IGFBP7: variants seen among roughly 807,000 people sequenced by gnomAD.
IGFBP7 encodes insulin like growth factor binding protein 7, also known as insulin-like growth factor-binding protein 7.
IGFBP7 carries 31 observed loss-of-function variants against 29.4 expected under a neutral mutation model. That is an observed-to-expected ratio of 1.05 (90% CI 0.79 to 1.42). The LOEUF (loss-of-function observed/expected upper bound fraction) is 1.42, where lower values mean the gene tolerates loss of function less well. Among genes scored for constraint, IGFBP7 ranks in the 40% most tolerant of loss-of-function variants. The probability of loss-of-function intolerance (pLI) is 0.00; values close to 1 mark genes in which losing one functional copy is unlikely to be tolerated. For missense variants in IGFBP7, 393 were observed against 395.5 expected (o/e 0.99, Z 0.05); for synonymous variants, 172 against 174.9 (o/e 0.98, Z 0.13).
intron 1 of IGFBP7, among the ~76,000 whole-genome samples, chr4:57,094,080 C>G (rs1019962671): frequency 3.9e-5 from 6 of 152,108 alleles, no homozygotes; most frequent in Non-Finnish European, 8.8e-5. Context: ...TTGAGTCTAA[C>G]TCCCTCTTCT....
chr4:57,102,025 A>T (rs1725910090), intron 1 of IGFBP7, among the ~76,000 whole-genome samples: 1 of 152,208 alleles, frequency 6.6e-6, no homozygotes, highest in South Asian at 2.1e-4. Flanking sequence ...ACGATAATTC[A>T]GGGTTCCCCA....
intron 1 of IGFBP7, among the ~76,000 whole-genome samples, chr4:57,093,575 A>G (rs2109797474): frequency 6.6e-6 from 1 of 152,232 alleles, no homozygotes; most frequent in Admixed American, 6.5e-5. Context: ...GTTAGAGACT[A>G]ACTGCCAAAC....
chr4:57,061,550 G>A (rs1030633908), intron 1 of IGFBP7, among the ~76,000 whole-genome samples: 2 of 152,198 alleles, frequency 1.3e-5, no homozygotes, highest in Admixed American at 1.3e-4. Context: ...TGACTAATGA[G>A]TGGGTGGTGT....
chr4:57,100,293 T>C (rs1269984098), intron 1 of IGFBP7, among the ~76,000 whole-genome samples: 29 of 152,040 alleles, frequency 1.9e-4, no homozygotes, highest in Non-Finnish European at 1.5e-5. Flanking sequence ...TTGCCCAGGC[T>C]GGTCCTGAAC....
intron 1 of IGFBP7, among the ~76,000 whole-genome samples, chr4:57,097,853 G>C (rs530263091): frequency 4.6e-5 from 7 of 152,078 alleles, no homozygotes; most frequent in South Asian, 2.1e-4. Flanking sequence ...GCCAATCTTG[G>C]CTTCTGGGTG....
At chr4:57,059,555 T>C (rs1276627649) in intron 1 of IGFBP7, among the ~76,000 whole-genome samples, 1 of 151,950 alleles carries the variant, frequency 6.6e-6, no homozygotes, top group Non-Finnish European at 1.5e-5. Context: ...TGAGAACTCA[T>C]GAACGCAAAG....
chr4:57,040,976 C>G, intron 1 of IGFBP7, 43 bp from the exon 2 acceptor site: 8 of 1,232,352 alleles, frequency 6.5e-6, no homozygotes, highest in Non-Finnish European at 9.6e-6. Context: ...TTTAAACAGT[C>G]CTTCACATGA....
intron 1 of IGFBP7, among the ~76,000 whole-genome samples, chr4:57,047,503 G>A (rs1266831555): frequency 2.0e-5 from 3 of 152,064 alleles, no homozygotes; most frequent in African/African-American, 7.2e-5. Flanking sequence ...AGATCCTGAA[G>A]GAAGTTATAG....
rs987919612 is a variant in IGFBP7 at position 57,110,269 on chromosome 4, G to A, written c.83C>T (p.Ser28Phe). ...LLLLPLSSSS[S>F]SDTCGPCEPA... ...CTCGCAGGGGCCGCAGGTGTCCGAA[G>A]AGGAGGAAGAGGAGAGGGGCAGGAG... Residue 28 changes from serine (S) to phenylalanine (F), a missense_variant, in exon 1 of 5, where the codon TCT becomes TTT. Transcript: ENST00000295666. 22 of 1,424,754 alleles carry A rather than the reference G, an allele frequency of 1.5e-5. No individual in the cohort carries two copies. In the African/African-American group the frequency reaches 2.7e-4, roughly 17 times the overall value. 88.3% of individuals were successfully genotyped at this position (1,424,754 alleles called of 1,614,324 possible).
chr4:57,033,125 C>A, intron 3 of IGFBP7, 70 bp downstream of exon 3: 1 of 1,084,248 alleles, frequency 9.2e-7, no homozygotes, highest in Admixed American at 1.7e-5. Flanking sequence ...ACATCAGGCA[C>A]CTTTGCCAGG....
In IGFBP7 at chr4:57,039,934, T is replaced by TC. The variant is rs571539757; in HGVS notation, c.585+889_585+890insG. On this transcript the variant is annotated intron_variant, in intron 2 of 4. Transcript: ENST00000295666. The stretch of plus-strand genomic sequence containing the variant: ...TGCTACTGCACCCAGCCTCACACTT[T>TC]TTTTTTTCTTTTTTTCCATTTGGGA... 1.8e-3 allele frequency among the ~76,000 whole-genome samples: 268 copies of TC among 151,054 alleles called. 3 individuals carry two copies. The highest frequency in any genetic ancestry group is 5.9e-3 in the African/African-American group (244 of 41,188).
intron 1 of IGFBP7, among the ~76,000 whole-genome samples, chr4:57,071,123 C>T (rs1241720927): frequency 2.0e-5 from 3 of 152,104 alleles, no homozygotes; most frequent in African/African-American, 7.2e-5. Flanking sequence ...TATAAGGTAC[C>T]GCATGAGCAT....
intron 1 of IGFBP7, among the ~76,000 whole-genome samples, chr4:57,099,326 C>T (rs1168096952): frequency 6.6e-6 from 1 of 152,180 alleles, no homozygotes; most frequent in Non-Finnish European, 1.5e-5. Context: ...AGTTCTCAAA[C>T]CCCTGCATGA....
At chr4:57,105,420 C>T (rs983184353) in intron 1 of IGFBP7, among the ~76,000 whole-genome samples, 1 of 152,204 alleles carries the variant, frequency 6.6e-6, no homozygotes, top group Non-Finnish European at 1.5e-5. Context: ...ACATACCATG[C>T]ACTTATCTAG....
At position 57,047,208 on chromosome 4, in the gene IGFBP7, C is replaced by T. The variant is rs117634935; in HGVS notation, c.476-6275G>A. 4.3e-3 allele frequency among the ~76,000 whole-genome samples: 661 copies of T among 152,258 alleles called. 31 individuals carry two copies. In the East Asian group the frequency reaches 0.1, roughly 24 times the overall value. ...GGGGACAGGTTTTTCCTGTGCTGTT[C>T]TCGTAATAGCGACTAAGTCTCATGA... On this transcript the variant is annotated intron_variant, in intron 1 of 4. Coordinates refer to ENST00000295666, the MANE Select transcript of IGFBP7 (RefSeq NM_001553.3).
intron 1 of IGFBP7, among the ~76,000 whole-genome samples, chr4:57,072,358 T>G (rs1725072373): frequency 6.6e-6 from 1 of 152,068 alleles, no homozygotes; most frequent in Admixed American, 6.5e-5. Flanking sequence ...AGATACCCTA[T>G]CTCTACAAAA....
intron 1 of IGFBP7, among the ~76,000 whole-genome samples, 164 bp from the exon 2 acceptor site, chr4:57,041,097 A>G (rs900203717): frequency 6.6e-6 from 1 of 152,246 alleles, no homozygotes; most frequent in Non-Finnish European, 1.5e-5. Flanking sequence ...CACCAACATG[A>G]TTTTAAGGTC....
intron 1 of IGFBP7, among the ~76,000 whole-genome samples, chr4:57,064,610 A>T (rs754329931): frequency 8.5e-5 from 13 of 152,314 alleles, no homozygotes; most frequent in Non-Finnish European, 1.8e-4. Context: ...CTGGGTGACA[A>T]GAGAAAGTAT....
At chr4:57,051,050 T>C (rs1293512481) in intron 1 of IGFBP7, among the ~76,000 whole-genome samples, 1 of 151,704 alleles carries the variant, frequency 6.6e-6, no homozygotes, top group African/African-American at 2.4e-5. Flanking sequence ...AGATAGAGAG[T>C]TCAGACAACT....
Sources: allele counts gnomAD v4.1 joint callset (sites outside exome capture counted in the v4.1 genomes callset), GRCh38; gene constraint gnomAD v4.1.1; transcripts MANE v1.5; gene names NCBI Gene and HGNC (gene_info 2026-07-23, HGNC 2026-07-21).